CNKSR3: variants seen among roughly 807,000 people sequenced by gnomAD.
CNKSR3 encodes the protein CNKSR family member 3.
CNKSR3 carries 36 observed loss-of-function variants against 67.7 expected under a neutral mutation model. The observed-to-expected ratio is 0.53, with a 90% CI of 0.41 to 0.70. The LOEUF (loss-of-function observed/expected upper bound fraction) is 0.70, where lower values mean the gene tolerates loss of function less well. Ranked by LOEUF, CNKSR3 falls within the 30% of genes least tolerant of loss-of-function variation. The pLI is 0.00. For synonymous variants in CNKSR3, 281 were observed against 271.4 expected (o/e 1.04, Z -0.35); for missense variants, 630 against 695.2 (o/e 0.91, Z 1.05).
chr6:154,440,997 A>G (rs1390196786), intron 4 of CNKSR3, among the ~76,000 whole-genome samples: 1 of 152,138 alleles, frequency 6.6e-6, no homozygotes, highest in Non-Finnish European at 1.5e-5. Flanking sequence ...CATTAAAAAA[A>G]AAAATTAAGT....
At chr6:154,454,561 G>T (rs1478062886) in intron 1 of CNKSR3, among the ~76,000 whole-genome samples, 1 of 152,048 alleles carries the variant, frequency 6.6e-6, no homozygotes, top group Non-Finnish European at 1.5e-5. Context: ...TTTGAGACAG[G>T]GTCTCACTGC....
At chr6:154,446,554 T>C (rs945465092) in intron 2 of CNKSR3, among the ~76,000 whole-genome samples, 15 of 152,290 alleles carry the variant, frequency 9.8e-5, no homozygotes, top group Admixed American at 9.8e-4. Context: ...TTGCCTTGGG[T>C]GAATAATAAA....
chr6:154,504,699 G>A (rs1211521492), intron 1 of CNKSR3, among the ~76,000 whole-genome samples: 1 of 151,826 alleles, frequency 6.6e-6, no homozygotes, highest in Non-Finnish European at 1.5e-5. Context: ...CACCTCACTG[G>A]GTTTTCTAAG....
intron 7 of CNKSR3, among the ~76,000 whole-genome samples, chr6:154,423,459 TGTTGGCCAGGCTGGTCTCGA>T (rs1340610262): frequency 6.6e-6 from 1 of 152,282 alleles, no homozygotes; most frequent in East Asian, 1.9e-4. Context: ...GGTTTTACCA[TGTTGGCCAGGCTGGTCTCGA>T]ACTCCCAACT....
At chr6:154,478,935 G>A (rs1261905014) in intron 1 of CNKSR3, among the ~76,000 whole-genome samples, 1 of 152,200 alleles carries the variant, frequency 6.6e-6, no homozygotes, top group Non-Finnish European at 1.5e-5. Flanking sequence ...CACAATGAAA[G>A]CAGCTTGGAC....
At chr6:154,432,986 A>G (rs1197525872) in intron 5 of CNKSR3, among the ~76,000 whole-genome samples, 1 of 152,224 alleles carries the variant, frequency 6.6e-6, no homozygotes, top group Non-Finnish European at 1.5e-5. Flanking sequence ...CAACATCAGT[A>G]GGAGGAAGGC....
At chr6:154,433,314 T>C in intron 5 of CNKSR3, 152 bp downstream of exon 5, 2 of 659,756 alleles carry the variant, frequency 3.0e-6, no homozygotes, top group South Asian at 3.5e-5. Flanking sequence ...ACTTTTATGC[T>C]TTCTCTTCCA....
chr6:154,456,500 C>T (rs893682129), intron 1 of CNKSR3, among the ~76,000 whole-genome samples: 1 of 147,506 alleles, frequency 6.8e-6, no homozygotes, highest in Non-Finnish European at 1.5e-5. Flanking sequence ...GAGTTCGAGA[C>T]GAGCCTGGCC....
Position 154,450,236 on chromosome 6 carries a change from T to C in CNKSR3, c.75A>G (p.Gln25=), listed in dbSNP as rs1174050757. The C allele has an allele frequency of 2.2e-5, 36 of 1,614,094 alleles. No individual in the cohort carries two copies. The highest frequency in any genetic ancestry group is 3.1e-5 in the Non-Finnish European group (36 of 1,180,008). Residue 25 remains glutamine, a synonymous_variant, in exon 2 of 13, where the codon CAA becomes CAG. Transcript: ENST00000607772. The part of the protein sequence containing the change: ...WTRGLDDCLQ[Q]YVHKFEREKI... ...TCTCTCGTTCAAACTTGTGGACATA[T>C]TGTTGCAGGCAGTCATCCAACCCTG... is the stretch of plus-strand genomic sequence containing the variant.
At chr6:154,476,238 C>A (rs903505554) in intron 1 of CNKSR3, among the ~76,000 whole-genome samples, 1 of 152,196 alleles carries the variant, frequency 6.6e-6, no homozygotes, top group East Asian at 1.9e-4. Context: ...GGATGGATCA[C>A]CCGAGGTCAG....
intron 12 of CNKSR3, among the ~76,000 whole-genome samples, chr6:154,407,214 A>G (rs1188305559): frequency 6.6e-6 from 1 of 152,174 alleles, no homozygotes; most frequent in African/African-American, 2.4e-5. Flanking sequence ...GGTGGGGACC[A>G]TAGAGTGTAG....
chr6:154,486,241 C>T (rs981381579), intron 1 of CNKSR3, among the ~76,000 whole-genome samples: 8 of 152,000 alleles, frequency 5.3e-5, no homozygotes, highest in South Asian at 2.1e-4. Context: ...CATCACCCCT[C>T]GACAGCATGA....
chr6:154,444,605 CTT>C (rs775511533), intron 2 of CNKSR3, among the ~76,000 whole-genome samples: 46 of 135,734 alleles, frequency 3.4e-4, no homozygotes, highest in Admixed American at 5.2e-4. Context: ...AGTGGAGAAA[CTT>C]TTTTTTTTTT....
At chr6:154,449,250 T>A (rs1785772271) in intron 2 of CNKSR3, among the ~76,000 whole-genome samples, 1 of 152,220 alleles carries the variant, frequency 6.6e-6, no homozygotes, top group Admixed American at 6.5e-5. Context: ...TCTGTGAAAC[T>A]CAACCGCTTT....
chr6:154,466,757 C>T (rs1425644941), intron 1 of CNKSR3, among the ~76,000 whole-genome samples: 1 of 151,312 alleles, frequency 6.6e-6, no homozygotes, highest in Non-Finnish European at 1.5e-5. Context: ...GTAGCTGGGG[C>T]TACAGGTGCA....
intron 5 of CNKSR3, among the ~76,000 whole-genome samples, chr6:154,431,975 T>C (rs1490290291): frequency 2.6e-5 from 4 of 152,242 alleles, no homozygotes; most frequent in Non-Finnish European, 4.4e-5. Context: ...ATAAACATCC[T>C]GTGCACATTT....
chr6:154,459,694 C>A (rs1024535283), intron 1 of CNKSR3, among the ~76,000 whole-genome samples: 2 of 152,166 alleles, frequency 1.3e-5, no homozygotes, highest in Non-Finnish European at 2.9e-5. Flanking sequence ...CTGAAGACAT[C>A]GGAAGACGTA....
intron 2 of CNKSR3, among the ~76,000 whole-genome samples, chr6:154,447,295 C>A (rs1178919420): frequency 6.6e-6 from 1 of 152,130 alleles, no homozygotes; most frequent in East Asian, 1.9e-4. Flanking sequence ...GTTGCTAGTA[C>A]AACCGAGGAA....
chr6:154,447,119 C>T (rs1021585727), intron 2 of CNKSR3, among the ~76,000 whole-genome samples: 1 of 152,100 alleles, frequency 6.6e-6, no homozygotes, highest in Non-Finnish European at 1.5e-5. Context: ...TTGCACCCGG[C>T]CACAGTCATA....
Sources: gnomAD v4.1 joint callset for allele counts (sites outside exome capture counted in the v4.1 genomes callset) on GRCh38, gnomAD v4.1.1 for gene constraint, MANE v1.5 for transcripts, NCBI Gene and HGNC (gene_info 2026-07-23, HGNC 2026-07-21) for gene names.